Variants in HOXC4 observed in about 807,000 individuals in gnomAD.
HOXC4 encodes homeobox C4.
In HOXC4, 15 loss-of-function variants were observed where a neutral mutation model predicts 25.5. That is an observed-to-expected ratio of 0.59 (90% confidence interval 0.39 to 0.91). The LOEUF (loss-of-function observed/expected upper bound fraction) is 0.91, where lower values mean the gene tolerates loss of function less well. HOXC4 is among the 40% of genes least tolerant of loss of function. The pLI is 0.00. For missense variants in HOXC4, 342 were observed against 352.4 expected, an observed-to-expected ratio of 0.97 and a Z score of 0.24; for synonymous variants, 165 against 148.0, an observed-to-expected ratio of 1.11 and a Z score of -0.83.
intron 1 of HOXC4, chr12:54,033,347 C>T: frequency 3.7e-6 from 6 of 1,613,044 alleles, no homozygotes; most frequent in Non-Finnish European, 5.1e-6. Flanking sequence ...ACCGCCCCGC[C>T]TGCAGCGCCG....
intron 1 of HOXC4, among the ~76,000 whole-genome samples, chr12:54,023,360 A>G (rs1249281058): frequency 6.6e-6 from 1 of 152,248 alleles, no homozygotes; most frequent in Admixed American, 6.5e-5. Flanking sequence ...TGCTGATGGT[A>G]GCAGCAATAA....
chr12:54,032,247 A>G (rs1469450663), intron 1 of HOXC4, among the ~76,000 whole-genome samples: 3 of 152,008 alleles, frequency 2.0e-5, no homozygotes, highest in Non-Finnish European at 2.9e-5. Context: ...TCACCTCCAG[A>G]TCCATCCCAA....
chr12:54,042,294 T>C lies in HOXC4; in HGVS notation c.-123-10866T>C, dbSNP rs549256499. 5.3e-5 allele frequency among the ~76,000 whole-genome samples: 8 copies of C among 152,330 alleles called. No individual in the cohort carries two copies. The South Asian group carries it at 1.7e-3, about 32-fold the overall frequency. On this transcript the variant is annotated intron_variant, in intron 1 of 3. Coordinates refer to the HOXC4 transcript ENST00000303406. ...TGGCCAGCCCCATTTGCCTCTTTTA[T>C]GAGTTAGAATTAAAGGACACACTTA...
chr12:54,028,856 C>A (rs879224445), intron 1 of HOXC4: 8 of 1,613,864 alleles, frequency 5.0e-6, no homozygotes, highest in Middle Eastern at 1.6e-4. Flanking sequence ...GGCAGGACTG[C>A]GCCCCAGGAC....
In HOXC4 at chr12:54,036,675, G is replaced by GCT. The variant is rs34092231; in HGVS notation, c.-123-16468_-123-16467dup. ...CACACAGCAGTTAACCCAGACCAGT[G>GCT]CTCTCTCTCTCTCTCTCTGAAATAA... On this transcript the variant is annotated intron_variant, in intron 1 of 3. Transcript: ENST00000303406. Among the ~76,000 whole-genome samples the GCT allele has an allele frequency of 8.6e-4, 129 of 150,496 alleles. 1 individual carries two copies. The highest frequency in any genetic ancestry group is 1.1e-3 in the Non-Finnish European group (76 of 67,424).
chr12:54,033,699 A>C, intron 1 of HOXC4: 2 of 833,838 alleles, frequency 2.4e-6, no homozygotes, highest in South Asian at 1.9e-5. Flanking sequence ...ATGGCTCGTA[A>C]AACTGTCCAC....
At position 54,053,907 on chromosome 12, in the gene HOXC4, T is replaced by C. The variant is rs767699586; in HGVS notation, c.-16T>C. 1 of 1,585,756 alleles carries C rather than the reference T, an allele frequency of 6.3e-7. No individual in the cohort carries two copies. Among genetic ancestry groups the C allele is most frequent in the African/African-American group, 1.3e-5 (1 of 74,224 alleles). ...AACGACAAAGCGAGAAAAATTATTT[T>C]CCACTCCAGAAATTAATGATCATGA... On this transcript the variant is annotated 5_prime_UTR_variant, in exon 1 of 2. Coordinates refer to ENST00000430889, the MANE Select transcript of HOXC4 (RefSeq NM_153633.3).
chr12:54,029,565 G>A (rs1359171413), intron 1 of HOXC4: 12 of 1,385,576 alleles, frequency 8.7e-6, no homozygotes, highest in Non-Finnish European at 1.2e-5. Flanking sequence ...TGCTGGCCAG[G>A]TTGGGAGGGT....
At chr12:54,048,171 G>A (rs765457889) in intron 1 of HOXC4, among the ~76,000 whole-genome samples, 1 of 152,088 alleles carries the variant, frequency 6.6e-6, no homozygotes, top group Non-Finnish European at 1.5e-5. Context: ...AAAGGAGAAA[G>A]AACAGCTCCT....
At chr12:54,045,639 G>A (rs976798583) in intron 1 of HOXC4, among the ~76,000 whole-genome samples, 2 of 152,168 alleles carry the variant, frequency 1.3e-5, no homozygotes, top group African/African-American at 4.8e-5. Flanking sequence ...GCATGCATCT[G>A]TGTATAGGGG....
intron 1 of HOXC4, chr12:54,029,777 G>C (rs762610633): frequency 1.2e-6 from 2 of 1,614,008 alleles, no homozygotes; most frequent in African/African-American, 2.7e-5. Flanking sequence ...CATCGAGATC[G>C]CCAACGCGCT....
At chr12:54,046,435 C>T (rs2136460772) in intron 1 of HOXC4, among the ~76,000 whole-genome samples, 1 of 151,986 alleles carries the variant, frequency 6.6e-6, no homozygotes, top group East Asian at 1.9e-4. Context: ...ATTGGGGTGT[C>T]GTAGGTCAGG....
chr12:54,052,575 G>C (rs1003916210), upstream of HOXC4, among the ~76,000 whole-genome samples: 4 of 150,444 alleles, frequency 2.7e-5, no homozygotes, highest in Admixed American at 1.3e-4. Context: ...TAGCTGGGGG[G>C]GGGGGGTGGT....
Position 54,054,261 on chromosome 12 carries a change from C to A in HOXC4, c.339C>A (p.Ala113=). The change falls in exon 1 of 2, where the codon GCC becomes GCA. Residue 113 remains alanine (A), a synonymous_variant. Transcript: ENST00000430889. ...LSGASASPSP[A]PPACSQPAPD... is the part of the protein sequence containing the mutation. Reference sequence around the variant, plus strand: ...GCGCCTCCGCCTCCCCGTCCCCAGCCCCGCCAGCCTGCAGCCAGCCAGCCC... The same window carrying A: ...GCGCCTCCGCCTCCCCGTCCCCAGCACCGCCAGCCTGCAGCCAGCCAGCCC... 1 of 1,610,592 alleles carries A rather than the reference C, an allele frequency of 6.2e-7. No individual in the cohort carries two copies. The highest frequency in any genetic ancestry group is 1.3e-5 in the African/African-American group (1 of 74,926).
intron 1 of HOXC4, among the ~76,000 whole-genome samples, chr12:54,048,123 G>C (rs1219667718): frequency 6.6e-5 from 10 of 152,160 alleles, no homozygotes; most frequent in Admixed American, 2.6e-4. Flanking sequence ...ATTAAAGGGA[G>C]AGCTTGGGGC....
chr12:54,036,581 A>G (rs1361573155), intron 1 of HOXC4, among the ~76,000 whole-genome samples: 1 of 152,122 alleles, frequency 6.6e-6, no homozygotes, highest in African/African-American at 2.4e-5. Flanking sequence ...CAGTGCCCAC[A>G]ACTACCACCC....
At chr12:54,054,383 TCCCC>T in intron 1 of HOXC4, 22 bp downstream of exon 1, 3 of 1,467,520 alleles carry the variant, frequency 2.0e-6, no homozygotes, top group Non-Finnish European at 2.7e-6. Context: ...TGCTTTTTGC[TCCCC>T]CCCTCCCTCC....
In HOXC4 at chr12:54,040,144, T is replaced by C. The variant is rs946559284; in HGVS notation, c.-123-13016T>C. On this transcript the variant is annotated intron_variant, in intron 1 of 3. Transcript: ENST00000303406. Reference sequence around the variant, plus strand: ...TGAAATTCTTGGTTTTCCCACCCACTACCCCAAACCCTAATTTGGAGTGTC... The same window carrying C: ...TGAAATTCTTGGTTTTCCCACCCACCACCCCAAACCCTAATTTGGAGTGTC... 2.6e-5 allele frequency among the ~76,000 whole-genome samples: 4 copies of C among 152,290 alleles called. No individual in the cohort carries two copies. The East Asian group carries it at 7.7e-4, about 29-fold the overall frequency.
intron 1 of HOXC4, among the ~76,000 whole-genome samples, chr12:54,027,316 A>G (rs1190328601): frequency 2.6e-5 from 4 of 152,202 alleles, no homozygotes; most frequent in African/African-American, 9.7e-5. Context: ...CTCATAGCTC[A>G]GGTCCAGGGG....
Sources: gnomAD v4.1 joint callset for allele counts (sites outside exome capture counted in the v4.1 genomes callset) on GRCh38, gnomAD v4.1.1 for gene constraint, MANE v1.5 for transcripts, NCBI Gene and HGNC (gene_info 2026-07-23, HGNC 2026-07-21) for gene names.